The following DYSF variants were observed in gnomAD, a reference collection of about 807,000 sequenced individuals.
DYSF encodes the protein dysferlin.
A neutral mutation model predicts 274.9 loss-of-function variants in DYSF; 212 were observed. That is an observed-to-expected ratio of 0.77 (90% CI 0.69 to 0.86). DYSF has a LOEUF of 0.86. Ranked by LOEUF, DYSF falls within the 40% of genes least tolerant of loss-of-function variation. The pLI is 0.00. For missense variants in DYSF, 2,666 were observed against 2,783.2 expected (o/e 0.96, Z 0.95); for synonymous variants, 1,091 against 1,078.7 (o/e 1.01, Z -0.22).
chr2:71,593,646 A>G (rs115459703), intron 32 of DYSF, among the ~76,000 whole-genome samples: 1 of 152,212 alleles, frequency 6.6e-6, no homozygotes, highest in African/African-American at 2.4e-5. Flanking sequence ...GTTACTCTTC[A>G]TTGTAGATTG....
intron 49 of DYSF, 62 bp from the exon 50 acceptor site, chr2:71,669,050 C>T (rs1573094154): frequency 4.8e-6 from 7 of 1,471,382 alleles, no homozygotes; most frequent in South Asian, 1.2e-5. Flanking sequence ...TTCTTGGCTT[C>T]TTAAGGCCTT....
chr2:71,679,664 A>C (rs1413208505), intron 53 of DYSF, among the ~76,000 whole-genome samples: 2 of 152,064 alleles, frequency 1.3e-5, no homozygotes, highest in Non-Finnish European at 2.9e-5. Context: ...GCCCGAGAGA[A>C]CCGTCCTTCC....
chr2:71,554,219 C>T (rs756197722), intron 21 of DYSF, among the ~76,000 whole-genome samples: 29 of 152,202 alleles, frequency 1.9e-4, no homozygotes, highest in Admixed American at 1.1e-3. Flanking sequence ...CAGCAGGGCA[C>T]GGCCTGGCTC....
intron 32 of DYSF, among the ~76,000 whole-genome samples, chr2:71,595,697 A>G (rs1352162929): frequency 1.3e-5 from 2 of 152,150 alleles, no homozygotes; most frequent in African/African-American, 2.4e-5. Context: ...GTGAGGTAGA[A>G]TCCTTGTGTG....
chr2:71,588,239 G>T (rs1275494973), intron 30 of DYSF, among the ~76,000 whole-genome samples: 1 of 152,176 alleles, frequency 6.6e-6, no homozygotes, highest in Non-Finnish European at 1.5e-5. Flanking sequence ...ATGGGAGAAG[G>T]CTGGACTGGA....
At chr2:71,562,369 G>T (rs1405268181) in intron 23 of DYSF, among the ~76,000 whole-genome samples, 1 of 152,162 alleles carries the variant, frequency 6.6e-6, no homozygotes, top group Non-Finnish European at 1.5e-5. Flanking sequence ...TCTGTTTCCT[G>T]TTGTCCTGGA....
Position 71,567,031 on chromosome 2 carries a change from A to T in DYSF, c.2566-920A>T, listed in dbSNP as rs367963134. ...TTGGCTATACTGCTCTGAGCTCATG[A>T]CACTAGGCCTGGGTACTTAATGTGT... On this transcript the variant is annotated intron_variant, in intron 24 of 55. Coordinates refer to ENST00000410020, the MANE Select transcript of DYSF (RefSeq NM_001130987.2). 3.3e-5 allele frequency among the ~76,000 whole-genome samples: 5 copies of T among 152,308 alleles called. No individual in the cohort carries two copies. In the East Asian group the frequency reaches 9.7e-4, roughly 29 times the overall value.
intron 3 of DYSF, among the ~76,000 whole-genome samples, chr2:71,483,433 C>T (rs2083099224): frequency 1.3e-5 from 2 of 152,270 alleles, no homozygotes; most frequent in East Asian, 1.9e-4. Context: ...CTCAGACTGA[C>T]TTGAAGGCAG....
rs186399363 is a variant in DYSF at position 71,593,410 on chromosome 2, C to T, written c.3574+3122C>T. On this transcript the variant is annotated intron_variant, in intron 32 of 55. Transcript: ENST00000410020. Reference sequence around the variant, plus strand: ...CCTCCCGGAGTGCTGGGATTACAGGCGTGAGCCACTGTGCCCGGCCAGTTC... The same window carrying T: ...CCTCCCGGAGTGCTGGGATTACAGGTGTGAGCCACTGTGCCCGGCCAGTTC... Among the ~76,000 whole-genome samples, 463 of 152,296 alleles carry T rather than the reference C, an allele frequency of 3.0e-3. 3 individuals carry two copies. The highest frequency in any genetic ancestry group is 3.2e-3 in the Non-Finnish European group (220 of 68,024).
At chr2:71,566,518 A>G (rs1443504479) in intron 24 of DYSF, among the ~76,000 whole-genome samples, 1 of 152,170 alleles carries the variant, frequency 6.6e-6, no homozygotes, top group Non-Finnish European at 1.5e-5. Flanking sequence ...CAAAGTTGGA[A>G]AAAATGAGCA....
intron 3 of DYSF, among the ~76,000 whole-genome samples, chr2:71,494,701 C>G (rs916823775): frequency 1.3e-5 from 2 of 152,204 alleles, no homozygotes; most frequent in South Asian, 4.1e-4. Flanking sequence ...TGAGCCTCAC[C>G]CCTTGGCTCA....
Position 71,513,721 on chromosome 2 carries a change from G to C in DYSF, c.559G>C (p.Gly187Arg), listed in dbSNP as rs200970855. ...TTAGGGCCCTCTCCTCTTAGACACAGGAGGAGAGGAAGACACAGAGGACCA... is the reference window on the plus strand; with the variant it reads ...TTAGGGCCCTCTCCTCTTAGACACACGAGGAGAGGAAGACACAGAGGACCA... ...GKKWPAPTDT[G>R]GEEDTEDQGL... The change falls in exon 7 of 56, where the codon GGA (glycine) becomes CGA (arginine). Residue 187 changes from glycine to arginine, a missense_variant. Physicochemically the swap from Gly to Arg is moderately radical, Grantham distance 125. This residue lies in a region of DYSF where 794 missense variants were observed against 777.1 expected (regional missense o/e 1.02). Coordinates refer to ENST00000410020, the MANE Select transcript of DYSF (RefSeq NM_001130987.2). The C allele has an allele frequency of 3.7e-6, 6 of 1,613,878 alleles. No homozygotes were observed. Among genetic ancestry groups the C allele is most frequent in the African/African-American group, 2.7e-5 (2 of 75,054 alleles).
chr2:71,590,289 G>T lies in DYSF; in HGVS notation c.3574+1G>T. The T allele has an allele frequency of 6.2e-7, 1 of 1,614,158 alleles. No homozygotes were observed. Among genetic ancestry groups the T allele is most frequent in the South Asian group, 1.1e-5 (1 of 91,084 alleles). On this transcript the variant is annotated splice_donor_variant, in intron 32 of 55. Coordinates refer to ENST00000410020, the MANE Select transcript of DYSF (RefSeq NM_001130987.2). LOFTEE classifies it high-confidence loss of function. ...GCGATGGACAAGGACTCTTTTTCTG[G>T]TAGGTGGGAGAGAGGCAGGAGAGTC... is the stretch of plus-strand genomic sequence containing the variant.
intron 42 of DYSF, 140 bp downstream of exon 42, chr2:71,644,203 G>T: frequency 2.5e-6 from 2 of 815,938 alleles, no homozygotes; most frequent in Non-Finnish European, 4.1e-6. Context: ...AATGCTGCTA[G>T]ACCAGCTGGG....
intron 3 of DYSF, among the ~76,000 whole-genome samples, chr2:71,499,567 C>A (rs538875640): frequency 1.3e-4 from 20 of 152,380 alleles, no homozygotes; most frequent in African/African-American, 4.3e-4. Flanking sequence ...CCCATGCCTC[C>A]TTCCCTTCTG....
intron 52 of DYSF, among the ~76,000 whole-genome samples, chr2:71,675,320 A>G (rs1196686238): frequency 6.6e-6 from 1 of 152,162 alleles, no homozygotes; most frequent in Admixed American, 6.5e-5. Flanking sequence ...GGTGGATTTT[A>G]CCTTGATTAA....
Position 71,640,139 on chromosome 2 carries a change from C to T in DYSF, c.4528-3826C>T, listed in dbSNP as rs896342567. Among the ~76,000 whole-genome samples, 11 of 152,228 alleles carry T rather than the reference C, an allele frequency of 7.2e-5. 1 individual carries two copies. Among genetic ancestry groups the T allele is most frequent in the Admixed American group, 3.9e-4 (6 of 15,284 alleles). Reference sequence around the variant, plus strand: ...AGTCTAGCTTCTGGGTCCTGGCTCTCACCCACCCTGCTTTACTGCTTCTTT... The same window carrying T: ...AGTCTAGCTTCTGGGTCCTGGCTCTTACCCACCCTGCTTTACTGCTTCTTT... On this transcript the variant is annotated intron_variant, in intron 41 of 55. Transcript: ENST00000410020.
At chr2:71,522,063 C>T (rs1040748435) in intron 12 of DYSF, among the ~76,000 whole-genome samples, 3 of 151,800 alleles carry the variant, frequency 2.0e-5, no homozygotes, top group Admixed American at 2.0e-4. Flanking sequence ...TTCACATCCT[C>T]CACTGTCTTC....
intron 2 of DYSF, 89 bp from the exon 3 acceptor site, chr2:71,481,790 C>A: frequency 9.9e-7 from 1 of 1,005,536 alleles, no homozygotes; most frequent in South Asian, 1.3e-5. Flanking sequence ...AATGCCTACT[C>A]AGTGCCCTGG....
Sources: allele counts gnomAD v4.1 joint callset (sites outside exome capture counted in the v4.1 genomes callset), GRCh38; gene constraint gnomAD v4.1.1; regional missense constraint gnomAD v4.1.1; transcripts MANE v1.5; gene names NCBI Gene and HGNC (gene_info 2026-07-23, HGNC 2026-07-21).